Variants in ANK3 observed in about 807,000 individuals in gnomAD.
ANK3 encodes the protein ankyrin 3.
ANK3 carries 57 observed loss-of-function variants against 370.9 expected under a neutral mutation model. The observed-to-expected ratio is 0.15, with a 90% CI of 0.12 to 0.19. The LOEUF is 0.19. Ranked by LOEUF, ANK3 falls within the 10% of genes least tolerant of loss-of-function variation. ANK3 has a pLI of 1.00. For missense variants in ANK3, 4,439 were observed against 5,302.1 expected, an observed-to-expected ratio of 0.84 and a Z score of 5.06; for synonymous variants, 1,929 against 1,946.3, an observed-to-expected ratio of 0.99 and a Z score of 0.23.
chr10:60,539,985 T>C (rs1001052513), intron 2 of ANK3, among the ~76,000 whole-genome samples: 2 of 151,946 alleles, frequency 1.3e-5, no homozygotes, highest in African/African-American at 2.4e-5. Flanking sequence ...GGAAAAGTCA[T>C]GGACAAGGGG....
At chr10:60,095,697 TA>T (rs908441721) in intron 28 of ANK3, among the ~76,000 whole-genome samples, 5 of 152,022 alleles carry the variant, frequency 3.3e-5, no homozygotes, top group African/African-American at 9.7e-5. Flanking sequence ...TTATTTTTAT[TA>T]AAAAAAATGC....
chr10:60,389,783 A>T lies in ANK3; in HGVS notation c.-245T>A. On this transcript the variant is annotated 5_prime_UTR_variant, in exon 1 of 44. The change abolishes an upstream ATG in the 5' untranslated region. Coordinates refer to ENST00000280772, the MANE Select transcript of ANK3 (RefSeq NM_020987.5). ...TGAACCTTTACAGGAGAGTGCAGCC[A>T]TCGTAATGCATTTACCGTAGTGAAG... The T allele has an allele frequency of 7.5e-7, 1 of 1,327,864 alleles. No homozygotes were observed. The highest frequency in any genetic ancestry group is 1.8e-5 in the South Asian group (1 of 55,092). 82.3% of individuals were successfully genotyped at this position (1,327,864 alleles called of 1,614,324 possible).
At chr10:60,372,805 T>C (rs747472935) in intron 1 of ANK3, among the ~76,000 whole-genome samples, 6 of 152,222 alleles carry the variant, frequency 3.9e-5, no homozygotes, top group African/African-American at 1.4e-4. Context: ...ATAAATCCTA[T>C]AGATTTAAAT....
chr10:60,631,929 A>G (rs145007963), intron 1 of ANK3, among the ~76,000 whole-genome samples: 71 of 152,308 alleles, frequency 4.7e-4, no homozygotes, highest in Middle Eastern at 3.4e-3. Flanking sequence ...TTACATTTCA[A>G]AAAGTATTGA....
chr10:60,196,530 C>T lies in ANK3; in HGVS notation c.1785G>A (p.Gly595=). The change falls in exon 15 of 44, where the codon GGG becomes GGA. Residue 595 remains glycine (G), a synonymous_variant. Coordinates refer to ENST00000280772, the MANE Select transcript of ANK3 (RefSeq NM_020987.5). ...LQKSASPDAA[G]KSGLTPLHVA... is the part of the protein sequence containing the mutation. ...AGGGTGGCTGGTGACCTCTTACCTT[C>T]CCAGCAGCATCTGGAGATGCACTTT... 6.2e-7 allele frequency: 1 copy of T among 1,609,432 alleles called. No homozygotes were observed. The highest frequency in any genetic ancestry group is 1.3e-5 in the African/African-American group (1 of 74,806).
chr10:60,369,046 C>CTATA (rs1164020621), intron 1 of ANK3, among the ~76,000 whole-genome samples: 2 of 152,114 alleles, frequency 1.3e-5, no homozygotes, highest in African/African-American at 4.8e-5. Context: ...AGCTGATTAA[C>CTATA]TATACCCTTA....
rs950412269 is a variant in ANK3 at position 60,027,821 on chromosome 10, C to G, written c.*2025G>C. On this transcript the variant is annotated 3_prime_UTR_variant, in exon 44 of 44. Transcript: ENST00000280772. ...ACGCAGTGTATGGGTTGCAAATTCA[C>G]AGTCAGGTTGTACAAATATAAGAAA... 1 of 152,172 alleles carries G rather than the reference C, an allele frequency of 6.6e-6. No homozygotes were observed. The allele number at this position is 152,172 out of a possible 1,614,324, so 9.4% of individuals were successfully genotyped here.
At chr10:60,184,758 A>G (rs940668136) in intron 17 of ANK3, among the ~76,000 whole-genome samples, 4 of 152,224 alleles carry the variant, frequency 2.6e-5, no homozygotes, top group African/African-American at 9.6e-5. Flanking sequence ...ATATTGTACC[A>G]GTTGGCTGCA....
intron 2 of ANK3, among the ~76,000 whole-genome samples, chr10:60,525,362 T>C (rs920287989): frequency 4.6e-5 from 7 of 152,158 alleles, no homozygotes; most frequent in African/African-American, 1.7e-4. Context: ...TCTTTATTGA[T>C]ATGACTATAA....
intron 1 of ANK3, among the ~76,000 whole-genome samples, chr10:60,352,687 C>G (rs1265824350): frequency 6.6e-6 from 1 of 152,198 alleles, no homozygotes; most frequent in Admixed American, 6.5e-5. Context: ...TGTTTCTCCT[C>G]TCCTTACTTT....
chr10:60,677,284 G>A (rs147646236), intron 1 of ANK3, among the ~76,000 whole-genome samples: 1 of 152,278 alleles, frequency 6.6e-6, no homozygotes, highest in African/African-American at 2.4e-5. Flanking sequence ...CTGACTGTGA[G>A]GCAGTCAACT....
intron 4 of ANK3, 111 bp downstream of exon 4, chr10:60,278,663 T>C (rs1045916079): frequency 1.1e-6 from 1 of 870,606 alleles, no homozygotes; most frequent in East Asian, 2.5e-5. Flanking sequence ...TTAAATATAG[T>C]TCTTAAGTAT....
At chr10:60,061,000 A>G (rs1280734496) in intron 40 of ANK3, among the ~76,000 whole-genome samples, 2 of 152,206 alleles carry the variant, frequency 1.3e-5, no homozygotes, top group African/African-American at 4.8e-5. Context: ...TGGTCTGGTC[A>G]TGGTGAGGAA....
At chr10:60,110,288 A>T (rs1199749039) in intron 26 of ANK3, among the ~76,000 whole-genome samples, 1 of 152,076 alleles carries the variant, frequency 6.6e-6, no homozygotes, top group African/African-American at 2.4e-5. Context: ...CTGGCCTGTG[A>T]TCCCCACAGG....
chr10:60,081,843 G>C (rs1229615012), intron 35 of ANK3: 1 of 243,008 alleles, frequency 4.1e-6, no homozygotes, highest in Non-Finnish European at 7.9e-6. Flanking sequence ...TATTGCACTT[G>C]ACTTGTCTAA....
chr10:60,328,614 C>A (rs1475457359), intron 1 of ANK3, among the ~76,000 whole-genome samples: 1 of 152,100 alleles, frequency 6.6e-6, no homozygotes, highest in Non-Finnish European at 1.5e-5. Flanking sequence ...CTGAATGGAC[C>A]AATAACAAGT....
At chr10:60,658,682 T>C (rs1254378326) in intron 1 of ANK3, among the ~76,000 whole-genome samples, 4 of 152,106 alleles carry the variant, frequency 2.6e-5, no homozygotes, top group Non-Finnish European at 5.9e-5. Flanking sequence ...CTAAATTTTT[T>C]CTCCTGAGTA....
chr10:60,302,084 A>C (rs2043941390), intron 1 of ANK3, among the ~76,000 whole-genome samples: 1 of 152,246 alleles, frequency 6.6e-6, no homozygotes, highest in African/African-American at 2.4e-5. Flanking sequence ...AAAACAATGA[A>C]TAAAACTGAG....
At chr10:60,431,674 G>A (rs551387030) in intron 2 of ANK3, among the ~76,000 whole-genome samples, 1 of 152,288 alleles carries the variant, frequency 6.6e-6, no homozygotes, top group Non-Finnish European at 1.5e-5. Flanking sequence ...GGAAGGGATA[G>A]CATTAGGAGA....
Sources: gnomAD v4.1 joint callset for allele counts (sites outside exome capture counted in the v4.1 genomes callset) on GRCh38, gnomAD v4.1.1 for gene constraint, MANE v1.5 for transcripts, NCBI Gene and HGNC (gene_info 2026-07-23, HGNC 2026-07-21) for gene names.